The following ACOT9 variants were observed in gnomAD, a reference collection of about 807,000 sequenced individuals.
ACOT9 encodes the protein acyl-coenzyme A thioesterase 9, mitochondrial.
ACOT9 carries 34 observed loss-of-function variants against 39.7 expected under a neutral mutation model. The ratio of observed to expected loss-of-function variants is 0.86; its 90% CI spans 0.65 to 1.14. The LOEUF is 1.14. ACOT9 is among the 50% of genes most tolerant of loss of function. The probability of loss-of-function intolerance (pLI) is 0.00; values close to 1 mark genes in which losing one functional copy is unlikely to be tolerated. For synonymous variants in ACOT9, 110 were observed against 120.5 expected (o/e 0.91, Z 0.57); for missense variants, 313 against 344.1 (o/e 0.91, Z 0.71).
chrX:23,726,342 G>A (rs1232485166), intron 6 of ACOT9, among the ~76,000 whole-genome samples: 1 of 111,827 alleles, frequency 8.9e-6, no homozygotes, highest in Non-Finnish European at 1.9e-5. Flanking sequence ...GACTACAAAA[G>A]AGCAGCCAGA....
intron 13 of ACOT9, 69 bp from the exon 14 acceptor site, chrX:23,705,149 C>G: frequency 8.8e-6 from 8 of 910,473 alleles, no homozygotes; most frequent in Non-Finnish European, 1.3e-5. Flanking sequence ...TTTCCTCTAA[C>G]AACTAGCTGA....
At chrX:23,720,112 C>A (rs927730196) in intron 8 of ACOT9, among the ~76,000 whole-genome samples, 10 of 112,983 alleles carry the variant, frequency 8.9e-5, no homozygotes, top group South Asian at 3.6e-4. Context: ...GGATTACAGG[C>A]GTGAGCCACC....
At chrX:23,715,082 C>T (rs1198257484) in intron 8 of ACOT9, among the ~76,000 whole-genome samples, 4 of 111,313 alleles carry the variant, frequency 3.6e-5, no homozygotes, top group African/African-American at 1.3e-4. Context: ...AACAGTCTCA[C>T]CAATCTCATT....
chrX:23,726,217 CAAAAT>C (rs1929516664), intron 6 of ACOT9, among the ~76,000 whole-genome samples: 1 of 111,021 alleles, frequency 9.0e-6, no homozygotes, highest in South Asian at 3.7e-4. Context: ...AATAAATAAA[CAAAAT>C]AAAATAAAAT....
intron 6 of ACOT9, among the ~76,000 whole-genome samples, chrX:23,722,961 T>C (rs1016304259): frequency 1.8e-5 from 2 of 111,341 alleles, no homozygotes; most frequent in African/African-American, 6.5e-5. Context: ...CCCTCAATTT[T>C]AAGATTTGGT....
At chrX:23,742,259 A>AGT (rs1920981605) in intron 1 of ACOT9, among the ~76,000 whole-genome samples, 1 of 32,471 alleles carries the variant, frequency 3.1e-5, no homozygotes, top group Admixed American at 3.8e-4. Context: ...AGAGAGAGAT[A>AGT]TCCAGGACCC....
chrX:23,712,682 G>A (rs977323226), intron 9 of ACOT9, among the ~76,000 whole-genome samples: 4 of 111,713 alleles, frequency 3.6e-5, no homozygotes, highest in East Asian at 2.8e-4. Context: ...GTGCAATGGC[G>A]CAATCTCGGC....
At chrX:23,705,684 G>A in intron 12 of ACOT9, 84 bp downstream of exon 12, 1 of 1,118,044 alleles carries the variant, frequency 8.9e-7, no homozygotes, top group South Asian at 1.8e-5. Flanking sequence ...ACAGGACAAA[G>A]GCCAGTTTAA....
Position 23,722,717 on chromosome X carries a change from G to A in ACOT9, c.437C>T (p.Ala146Val). The change falls in exon 7 of 16, where the codon GCC becomes GTC. Residue 146 changes from alanine to valine, a missense_variant. Transcript: ENST00000379303. ...ICYMHNKIHS[A>V]KMSPLSIVTA... Reference sequence around the variant, plus strand: ...AACTATCGATAAAGGAGACATCTTGGCGGAGTGGATTTTGTTGTGCATGTA... The same window carrying A: ...AACTATCGATAAAGGAGACATCTTGACGGAGTGGATTTTGTTGTGCATGTA... 8.3e-7 allele frequency: 1 copy of A among 1,205,166 alleles called. No individual in the cohort carries two copies. The highest frequency in any genetic ancestry group is 1.1e-6 in the Non-Finnish European group (1 of 890,838).
At chrX:23,714,281 G>C (rs929186751) in intron 8 of ACOT9, among the ~76,000 whole-genome samples, 9 of 111,445 alleles carry the variant, frequency 8.1e-5, no homozygotes, top group Non-Finnish European at 1.5e-4. Context: ...GGGAACTGTA[G>C]TGTGCCAACC....
intron 6 of ACOT9, among the ~76,000 whole-genome samples, chrX:23,725,756 A>G (rs1328513160): frequency 1.8e-5 from 2 of 110,788 alleles, no homozygotes; most frequent in Non-Finnish European, 3.8e-5. Context: ...GGTCAAGGCT[A>G]CAGTGAGCTG....
intron 8 of ACOT9, among the ~76,000 whole-genome samples, chrX:23,720,620 C>T (rs183240794): frequency 6.4e-4 from 71 of 111,695 alleles, no homozygotes; most frequent in Non-Finnish European, 1.7e-4. Flanking sequence ...AAGAAACAGA[C>T]AAGGAAGGCT....
intron 11 of ACOT9, 25 bp from the exon 12 acceptor site, chrX:23,705,883 C>A (rs1035717122): frequency 2.8e-6 from 3 of 1,075,228 alleles, no homozygotes; most frequent in Non-Finnish European, 3.9e-6. Context: ...ATTTATTAAA[C>A]CCTGTTAATG....
In ACOT9 at chrX:23,713,175, C is replaced by T; in HGVS notation, c.622G>A (p.Ala208Thr). Residue 208 changes from alanine to threonine, a missense_variant, in exon 9 of 16, where the codon GCA becomes ACA. Coordinates refer to ENST00000379303, the MANE Select transcript of ACOT9 (RefSeq NM_001037171.2). The stretch of plus-strand genomic sequence containing the variant: ...TCACGAGCCACCATTACAAATGTTG[C>T]ATCCAAAACAGGACAAAATTCATCA... ...HGDEFCPVLD[A>T]TFVMVARDSE... is the part of the protein sequence containing the mutation. 1.7e-6 allele frequency: 2 copies of T among 1,208,452 alleles called. No homozygotes were observed. The highest frequency in any genetic ancestry group is 2.2e-6 in the Non-Finnish European group (2 of 892,876).
rs995395030 is a variant in ACOT9, at chrX:23,702,051, C to T, written c.*1843G>A. Among the ~76,000 whole-genome samples the T allele has an allele frequency of 1.1e-4, 11 of 104,474 alleles. No individual in the cohort carries two copies. Among genetic ancestry groups the T allele is most frequent in the Non-Finnish European group, 2.0e-4 (10 of 50,426 alleles). The allele number at this position is 104,474 out of a possible 115,157, so 90.7% of individuals were successfully genotyped here. A position where few individuals can be genotyped will look rare whatever the true frequency, so the allele number is the denominator to read the frequency against. On this transcript the variant is annotated 3_prime_UTR_variant, in exon 16 of 16. Coordinates refer to ENST00000379303, the MANE Select transcript of ACOT9 (RefSeq NM_001037171.2). ...TCATGCCACTGCACTCCAGCTGGAG[C>T]GACAGAGTGAAACTCTGTCTCACAC...
At chrX:23,739,729 C>T (rs973408932) in intron 1 of ACOT9, among the ~76,000 whole-genome samples, 53 of 109,976 alleles carry the variant, frequency 4.8e-4, no homozygotes, top group African/African-American at 1.7e-3. Flanking sequence ...CCGGGGAGGT[C>T]GAGGCTGCAG....
At chrX:23,726,860 G>A (rs1362834761) in intron 6 of ACOT9, among the ~76,000 whole-genome samples, 9 of 111,150 alleles carry the variant, frequency 8.1e-5, no homozygotes, top group African/African-American at 2.6e-4. Context: ...ACAGAGTCTC[G>A]CTCTGTTGTC....
At chrX:23,706,534 G>A (rs1377374870) in intron 11 of ACOT9, 94 bp downstream of exon 11, 42 of 604,546 alleles carry the variant, frequency 6.9e-5, no homozygotes, top group Non-Finnish European at 5.3e-5. Flanking sequence ...CTCCAGCCTG[G>A]GTAACAAGAG....
At chrX:23,719,682 G>C (rs1456166329) in intron 8 of ACOT9, among the ~76,000 whole-genome samples, 1 of 111,343 alleles carries the variant, frequency 9.0e-6, no homozygotes, top group South Asian at 3.7e-4. Flanking sequence ...GATAGGGTTC[G>C]TGCTCCTATG....
Sources: allele counts gnomAD v4.1 joint callset (sites outside exome capture counted in the v4.1 genomes callset), GRCh38; gene constraint gnomAD v4.1.1; transcripts MANE v1.5; gene names NCBI Gene and HGNC (gene_info 2026-07-23, HGNC 2026-07-21).